Variants in METTL4 observed in about 807,000 individuals in gnomAD.
METTL4 encodes N(6)-adenine-specific methyltransferase METTL4.
A neutral mutation model predicts 54.0 loss-of-function variants in METTL4; 40 were observed. The ratio of observed to expected loss-of-function variants is 0.74; its 90% CI spans 0.58 to 0.96. The LOEUF (loss-of-function observed/expected upper bound fraction) is 0.96, where lower values mean the gene tolerates loss of function less well. Ranked by LOEUF, METTL4 falls within the 50% of genes least tolerant of loss-of-function variation. The pLI, the probability that METTL4 is intolerant of heterozygous loss-of-function variation, is 0.00. For missense variants in METTL4, 525 were observed against 549.0 expected (o/e 0.96, Z 0.44); for synonymous variants, 169 against 183.8 (o/e 0.92, Z 0.65).
chr18:2,552,107 C>T (rs535729311), intron 5 of METTL4, among the ~76,000 whole-genome samples: 60 of 151,986 alleles, frequency 3.9e-4, no homozygotes, highest in Admixed American at 7.2e-4. Flanking sequence ...GAAGAAGAAT[C>T]GCTTGAATCC....
At chr18:2,570,633 G>T (rs2072489034) in intron 1 of METTL4, among the ~76,000 whole-genome samples, 1 of 152,024 alleles carries the variant, frequency 6.6e-6, no homozygotes, top group Non-Finnish European at 1.5e-5. Flanking sequence ...TATAATCCTT[G>T]GTTCCTCCCC....
intron 8 of METTL4, among the ~76,000 whole-genome samples, chr18:2,541,109 T>C (rs895749099): frequency 6.6e-6 from 1 of 152,220 alleles, no homozygotes; most frequent in Non-Finnish European, 1.5e-5. Context: ...TTTTCCTTTC[T>C]AGTTAAGAAA....
At chr18:2,556,422 A>C (rs1319711337) in intron 3 of METTL4, among the ~76,000 whole-genome samples, 3 of 152,228 alleles carry the variant, frequency 2.0e-5, no homozygotes, top group African/African-American at 7.2e-5. Context: ...AAGCTCAAGA[A>C]TATTTAAACA....
In METTL4 at chr18:2,544,232, C is replaced by A; in HGVS notation, c.1236G>T (p.Val412=). 1 of 1,613,464 alleles carries A rather than the reference C, an allele frequency of 6.2e-7. No homozygotes were observed. Among genetic ancestry groups the A allele is most frequent in the Non-Finnish European group, 8.5e-7 (1 of 1,179,758 alleles). Reference sequence around the variant, plus strand: ...GCTTATGTGAGTGAAGAGTACAGGGCACGCTGACAATTAATTTGTGGTCTG... The same window carrying A: ...GCTTATGTGAGTGAAGAGTACAGGGAACGCTGACAATTAATTTGTGGTCTG... ...PIPDHKLIVS[V]PCTLHSHKPP... Residue 412 remains valine, a synonymous_variant, in exon 8 of 9, where the codon GTG becomes GTT. Transcript: ENST00000574538.
chr18:2,553,739 A>G (rs2072196479), intron 4 of METTL4: 1 of 152,174 alleles, frequency 6.6e-6, no homozygotes, highest in Admixed American at 6.5e-5. Context: ...AAATGTGTAC[A>G]ATCTCATAAG....
At position 2,571,380 on chromosome 18, in the gene METTL4, C is replaced by T. The variant is rs2072505520; in HGVS notation, c.-670G>A. 1 of 152,280 alleles carries T rather than the reference C, an allele frequency of 6.6e-6. No homozygotes were observed. The highest frequency in any genetic ancestry group is 1.5e-5 in the Non-Finnish European group (1 of 68,074). 9.4% of individuals were successfully genotyped at this position (152,280 alleles called of 1,614,324 possible). A position where few individuals can be genotyped will look rare whatever the true frequency, so the allele number is the denominator to read the frequency against. ...CTCAAGCTGCCCACAGGTCTTCCGA[C>T]CTAACTTTAGGGGTCGTGCCAGTCT... On this transcript the variant is annotated 5_prime_UTR_variant, in exon 1 of 9. Transcript: ENST00000574538.
At chr18:2,551,163 CAAAAAAAAA>C in intron 5 of METTL4, among the ~76,000 whole-genome samples, 1 of 49,266 alleles carries the variant, frequency 2.0e-5, no homozygotes, top group South Asian at 6.8e-4. Flanking sequence ...GACTCCGTCT[CAAAAAAAAA>C]AAAAAAAAAA....
chr18:2,555,973 C>T (rs2072233323), intron 3 of METTL4, among the ~76,000 whole-genome samples: 1 of 152,126 alleles, frequency 6.6e-6, no homozygotes, highest in Middle Eastern at 3.2e-3. Flanking sequence ...AAGACACATG[C>T]AGAGTCCAAT....
intron 8 of METTL4, among the ~76,000 whole-genome samples, chr18:2,543,069 A>G (rs993659877): frequency 6.8e-6 from 1 of 147,410 alleles, no homozygotes; most frequent in African/African-American, 2.5e-5. Context: ...GGATGCAGTG[A>G]CCCAAGATCA....
rs11665611 is a variant in METTL4 at position 2,538,790 on chromosome 18, C to T, written c.*210G>A. 1.8e-6 allele frequency: 1 copy of T among 561,592 alleles called. No homozygotes were observed. The highest frequency in any genetic ancestry group is 1.9e-5 in the African/African-American group (1 of 53,320). 34.8% of individuals were successfully genotyped at this position (561,592 alleles called of 1,614,324 possible). A position where few individuals can be genotyped will look rare whatever the true frequency, so the allele number is the denominator to read the frequency against. ...CTGCTTACCACTTAATTTGTATAGT[C>T]TAGAATAACATAGAATGTTAGTGCA... On this transcript the variant is annotated 3_prime_UTR_variant, in exon 9 of 9. Coordinates refer to ENST00000574538, the MANE Select transcript of METTL4 (RefSeq NM_022840.5).
intron 1 of METTL4, among the ~76,000 whole-genome samples, 165 bp from the exon 2 acceptor site, chr18:2,567,819 A>C (rs1279579364): frequency 5.3e-5 from 8 of 152,224 alleles, no homozygotes; most frequent in Admixed American, 5.2e-4. Flanking sequence ...CTCCAGTATC[A>C]TCTTCCCTAC....
chr18:2,565,927 G>A (rs1359213120), intron 2 of METTL4, among the ~76,000 whole-genome samples: 7 of 151,820 alleles, frequency 4.6e-5, no homozygotes, highest in Admixed American at 6.6e-5. Flanking sequence ...AGCGCCTGTA[G>A]TCCCAGCTGC....
chr18:2,554,469 CT>C (rs2072206844), intron 4 of METTL4, 199 bp downstream of exon 4: 2 of 529,824 alleles, frequency 3.8e-6, no homozygotes, highest in South Asian at 5.5e-5. Flanking sequence ...GCTTTTGACT[CT>C]TTATTCACAA....
chr18:2,565,227 C>G (rs1350067438), intron 2 of METTL4, among the ~76,000 whole-genome samples: 1 of 151,746 alleles, frequency 6.6e-6, no homozygotes, highest in South Asian at 2.1e-4. Context: ...TTCAGTGAAC[C>G]GAGATCACGC....
chr18:2,552,271 G>C (rs1248503243), intron 5 of METTL4, among the ~76,000 whole-genome samples: 3 of 152,094 alleles, frequency 2.0e-5, no homozygotes, highest in Non-Finnish European at 4.4e-5. Flanking sequence ...TATCACCTTA[G>C]TAAATAACTT....
chr18:2,552,108 G>A (rs1419238534), intron 5 of METTL4, among the ~76,000 whole-genome samples: 1 of 152,044 alleles, frequency 6.6e-6, no homozygotes, highest in Non-Finnish European at 1.5e-5. Flanking sequence ...AAGAAGAATC[G>A]CTTGAATCCA....
rs906504088 is a variant in METTL4 at position 2,538,181 on chromosome 18, TA to T, written c.*818del. On this transcript the variant is annotated 3_prime_UTR_variant, in exon 9 of 9. Coordinates refer to ENST00000574538, the MANE Select transcript of METTL4 (RefSeq NM_022840.5). Reference sequence around the variant, plus strand: ...TTATTTGTAGAAAATCTATAAATAATATTTTTTTCACAATCACACTGTTTAC... The same window carrying T: ...TTATTTGTAGAAAATCTATAAATAATTTTTTTTCACAATCACACTGTTTAC... The T allele has an allele frequency of 3.7e-5, 13 of 355,912 alleles. No individual in the cohort carries two copies. The highest frequency in any genetic ancestry group is 5.5e-5 in the Non-Finnish European group (11 of 200,992). The allele number at this position is 355,912 out of a possible 1,614,324, so 22.0% of individuals were successfully genotyped here.
At chr18:2,539,851 TA>T (rs35086373) in intron 8 of METTL4, 10,419 of 808,296 alleles carry the variant, frequency 0.013, 1 homozygote, top group Middle Eastern at 0.015. Context: ...ACAACCCATT[TA>T]AAAAAAAAAA....
At chr18:2,560,514 T>C (rs1214176119) in intron 3 of METTL4, among the ~76,000 whole-genome samples, 2 of 152,298 alleles carry the variant, frequency 1.3e-5, no homozygotes, top group Non-Finnish European at 2.9e-5. Context: ...TAATTATATA[T>C]AAGGCCGAAG....
Sources: allele counts gnomAD v4.1 joint callset (sites outside exome capture counted in the v4.1 genomes callset), GRCh38; gene constraint gnomAD v4.1.1; transcripts MANE v1.5; gene names NCBI Gene and HGNC (gene_info 2026-07-23, HGNC 2026-07-21).